The following POU2AF2 variants were observed in gnomAD, a reference collection of about 807,000 sequenced individuals.
The protein encoded by POU2AF2 is POU domain class 2-associating factor 2.
chr11:111,248,263 T>A, the POU2AF2 span, among the ~76,000 whole-genome samples: 1 of 152,180 alleles, frequency 6.6e-6, no homozygotes, highest in Admixed American at 6.5e-5. Context: ...CTAATGGGTA[T>A]CTGCCTTCCC....
At chr11:111,276,951 A>G in the POU2AF2 span, among the ~76,000 whole-genome samples, 1 of 152,220 alleles carries the variant, frequency 6.6e-6, no homozygotes, top group Non-Finnish European at 1.5e-5. Context: ...GAAAGGAATA[A>G]GCAAAGCAAA....
At chr11:111,284,631 T>A in the POU2AF2 span, among the ~76,000 whole-genome samples, 2 of 152,204 alleles carry the variant, frequency 1.3e-5, no homozygotes, top group African/African-American at 4.8e-5. Flanking sequence ...AGGATTTATA[T>A]CCATTTTGTT....
the POU2AF2 span, among the ~76,000 whole-genome samples, chr11:111,253,024 C>G: frequency 1.3e-5 from 2 of 152,196 alleles, no homozygotes; most frequent in East Asian, 3.8e-4. Flanking sequence ...CTGAACTACT[C>G]TGTTGCCTCT....
chr11:111,264,576 G>GAA, the POU2AF2 span, among the ~76,000 whole-genome samples: 2,135 of 24,580 alleles, frequency 0.087, 454 homozygotes, highest in Middle Eastern at 0.3. Context: ...AAGAAAGAAA[G>GAA]GGAGAGAGAA....
chr11:111,250,638 A>G, the POU2AF2 span, among the ~76,000 whole-genome samples: 5 of 152,368 alleles, frequency 3.3e-5, no homozygotes, highest in East Asian at 1.9e-4. Flanking sequence ...AGGAAATGAT[A>G]TAGGACATAA....
chr11:111,275,331 C>T, the POU2AF2 span, among the ~76,000 whole-genome samples: 16 of 152,080 alleles, frequency 1.1e-4, no homozygotes, highest in Admixed American at 3.3e-4. Context: ...CAGAAGTTGG[C>T]ATGGGAGATT....
At chr11:111,258,619 G>T in the POU2AF2 span, among the ~76,000 whole-genome samples, 9 of 152,222 alleles carry the variant, frequency 5.9e-5, no homozygotes, top group African/African-American at 1.7e-4. Context: ...ATTTTTTGGT[G>T]AGTTTTTACT....
chr11:111,285,684 GT>G, the POU2AF2 span: 1 of 1,613,278 alleles, frequency 6.2e-7, no homozygotes, highest in Non-Finnish European at 8.5e-7. Context: ...TTGCCTGACG[GT>G]CTCAGCCAGC....
chr11:111,260,282 T>C, the POU2AF2 span, among the ~76,000 whole-genome samples: 2 of 152,164 alleles, frequency 1.3e-5, no homozygotes, highest in African/African-American at 2.4e-5. Context: ...GCATGAGTAA[T>C]GACCAGTCAG....
the POU2AF2 span, among the ~76,000 whole-genome samples, chr11:111,251,096 G>A: frequency 6.6e-6 from 1 of 152,162 alleles, no homozygotes; most frequent in Admixed American, 6.5e-5. Context: ...GACTAGGGCA[G>A]GGTGGATGTG....
chr11:111,281,839 T>G, the POU2AF2 span, among the ~76,000 whole-genome samples: 5 of 152,332 alleles, frequency 3.3e-5, no homozygotes, highest in South Asian at 4.1e-4. Context: ...CTATGTCTCA[T>G]TAAATACTCC....
At chr11:111,284,997 T>C in the POU2AF2 span, among the ~76,000 whole-genome samples, 1 of 152,338 alleles carries the variant, frequency 6.6e-6, no homozygotes, top group Admixed American at 6.5e-5. Context: ...AGGATGAGAA[T>C]TCACATTATT....
the POU2AF2 span, among the ~76,000 whole-genome samples, chr11:111,283,085 A>G: frequency 3.5e-5 from 4 of 113,666 alleles, no homozygotes; most frequent in Admixed American, 1.0e-4. Context: ...TTTGAGACGG[A>G]CTCTTGCTCT....
chr11:111,265,875 T>TA, the POU2AF2 span, among the ~76,000 whole-genome samples: 104,125 of 147,476 alleles, frequency 0.71, 36,699 homozygotes, highest in Middle Eastern at 0.8. Context: ...AGGAATAAAT[T>TA]AAAAAAAAAA....
the POU2AF2 span, among the ~76,000 whole-genome samples, chr11:111,257,025 A>C: frequency 6.6e-6 from 1 of 152,246 alleles, no homozygotes; most frequent in African/African-American, 2.4e-5. Flanking sequence ...GATCTCCAGA[A>C]ATGATTCTAA....
chr11:111,283,347 A>C, the POU2AF2 span, among the ~76,000 whole-genome samples: 107,223 of 151,886 alleles, frequency 0.71, 38,004 homozygotes, highest in South Asian at 0.83. Context: ...CCGAGCCTGC[A>C]CCACCAAGGG....
the POU2AF2 span, among the ~76,000 whole-genome samples, chr11:111,274,873 C>G: frequency 6.6e-6 from 1 of 152,106 alleles, no homozygotes; most frequent in Non-Finnish European, 1.5e-5. Context: ...CGACTACCAC[C>G]ATCGCCACAA....
the POU2AF2 span, among the ~76,000 whole-genome samples, chr11:111,256,638 TG>T: frequency 6.6e-6 from 1 of 152,340 alleles, no homozygotes; most frequent in Admixed American, 6.5e-5. Flanking sequence ...AAATGACCTC[TG>T]GGGTCCCTTC....
chr11:111,263,396 G>A, the POU2AF2 span, among the ~76,000 whole-genome samples: 2 of 150,806 alleles, frequency 1.3e-5, no homozygotes, highest in African/African-American at 4.9e-5. Context: ...CTGTTGTCTG[G>A]GAACCTACAA....
Sources: allele counts gnomAD v4.1 joint callset (sites outside exome capture counted in the v4.1 genomes callset), GRCh38; gene constraint gnomAD v4.1.1; transcripts MANE v1.5; gene names NCBI Gene and HGNC (gene_info 2026-07-23, HGNC 2026-07-21).